Variants in SNX9 observed in about 807,000 individuals in gnomAD.
The protein encoded by SNX9 is sorting nexin-9.
SNX9 carries 44 observed loss-of-function variants against 89.4 expected under a neutral mutation model. The ratio of observed to expected loss-of-function variants is 0.49; its 90% CI spans 0.39 to 0.63. The LOEUF is 0.63. Among genes scored for constraint, SNX9 ranks in the 30% least tolerant of loss-of-function variants. The pLI is 0.00. For missense variants in SNX9, 578 were observed against 736.1 expected, an observed-to-expected ratio of 0.79 and a Z score of 2.49; for synonymous variants, 236 against 247.8, an observed-to-expected ratio of 0.95 and a Z score of 0.45.
intron 9 of SNX9, among the ~76,000 whole-genome samples, chr6:157,919,177 G>T (rs34414553): frequency 6.6e-6 from 1 of 151,814 alleles, no homozygotes; most frequent in African/African-American, 2.4e-5. Context: ...TATTTATCTG[G>T]GTATGTCTTT....
At chr6:157,900,180 A>G (rs1445317382) in intron 5 of SNX9, among the ~76,000 whole-genome samples, 2 of 152,068 alleles carry the variant, frequency 1.3e-5, no homozygotes, top group Non-Finnish European at 2.9e-5. Flanking sequence ...AAAGTTCCAC[A>G]TGTAAATAAG....
rs912139984 is a variant in SNX9, at chr6:157,940,879, G to A, written c.1649-4G>A. 3.7e-6 allele frequency: 6 copies of A among 1,613,600 alleles called. No homozygotes were observed. In the Admixed American group the frequency reaches 6.7e-5, roughly 18 times the overall value. The stretch of plus-strand genomic sequence containing the variant: ...ACTGATTGATGTTCTGATTTGGGTT[G>A]TAGCTGAGATGAATCACTTTCACAG... On this transcript the variant is annotated splice_region_variant and splice_polypyrimidine_tract_variant and intron_variant, in intron 16 of 17. Coordinates refer to ENST00000392185, the MANE Select transcript of SNX9 (RefSeq NM_016224.5).
intron 1 of SNX9, among the ~76,000 whole-genome samples, chr6:157,864,499 A>T (rs1406978351): frequency 6.6e-6 from 1 of 152,198 alleles, no homozygotes; most frequent in African/African-American, 2.4e-5. Context: ...TTTAGTAAAC[A>T]AGAGGCTTAG....
intron 1 of SNX9, chr6:157,830,432 G>A (rs1020298526): frequency 2.6e-5 from 4 of 152,194 alleles, no homozygotes; most frequent in Admixed American, 2.6e-4. Flanking sequence ...TTGTTCCTTT[G>A]TCCGTGGTGT....
intron 6 of SNX9, among the ~76,000 whole-genome samples, chr6:157,903,915 T>C (rs1386809278): frequency 1.3e-5 from 2 of 152,234 alleles, no homozygotes; most frequent in Non-Finnish European, 2.9e-5. Flanking sequence ...CTGAGGCATC[T>C]CTGTCTCTCT....
intron 1 of SNX9, among the ~76,000 whole-genome samples, chr6:157,831,737 G>C (rs1283236348): frequency 6.6e-6 from 1 of 152,184 alleles, no homozygotes; most frequent in Non-Finnish European, 1.5e-5. Flanking sequence ...TCAGCAGTGT[G>C]TTTCAAAAGG....
At chr6:157,906,329 C>A in intron 7 of SNX9, 117 bp downstream of exon 7, 1 of 725,242 alleles carries the variant, frequency 1.4e-6, no homozygotes, top group Non-Finnish European at 2.2e-6. Context: ...ATTTAATGCC[C>A]CACATAACTG....
At chr6:157,890,084 C>T (rs1416299961) in intron 4 of SNX9, among the ~76,000 whole-genome samples, 1 of 152,214 alleles carries the variant, frequency 6.6e-6, no homozygotes, top group Non-Finnish European at 1.5e-5. Context: ...TAACCACTAT[C>T]CCCATGTGGT....
chr6:157,929,152 G>T (rs1336707924), intron 12 of SNX9, among the ~76,000 whole-genome samples: 1 of 152,212 alleles, frequency 6.6e-6, no homozygotes, highest in Non-Finnish European at 1.5e-5. Context: ...CGAGGGGAGA[G>T]TGTCGCTGTC....
chr6:157,938,599 C>T (rs1404398246), intron 15 of SNX9, 34 bp from the exon 16 acceptor site: 1 of 1,396,934 alleles, frequency 7.2e-7, no homozygotes, highest in Non-Finnish European at 1.0e-6. Flanking sequence ...ATCATTTCAG[C>T]TTTATTCATA....
chr6:157,879,855 A>G (rs776402514), intron 4 of SNX9, among the ~76,000 whole-genome samples: 5 of 152,246 alleles, frequency 3.3e-5, no homozygotes, highest in Non-Finnish European at 5.9e-5. Flanking sequence ...TTGAGAAATT[A>G]ATAGAAAGTT....
intron 9 of SNX9, among the ~76,000 whole-genome samples, chr6:157,914,166 T>G (rs889947889): frequency 2.0e-5 from 3 of 152,130 alleles, no homozygotes; most frequent in African/African-American, 7.2e-5. Context: ...ATAGTGTCAG[T>G]TTTTCCTCAT....
intron 6 of SNX9, 100 bp from the exon 7 acceptor site, chr6:157,906,028 G>A: frequency 1.0e-6 from 1 of 962,610 alleles, no homozygotes; most frequent in Non-Finnish European, 1.6e-6. Context: ...GCACCCGAAA[G>A]ACAGGACAAG....
intron 1 of SNX9, among the ~76,000 whole-genome samples, chr6:157,858,295 G>T (rs1782053110): frequency 6.7e-6 from 1 of 149,066 alleles, no homozygotes; most frequent in South Asian, 2.1e-4. Context: ...TGCCCAGGCT[G>T]GAGTGCAATG....
At chr6:157,896,660 T>C (rs1188259883) in intron 4 of SNX9, among the ~76,000 whole-genome samples, 167 bp from the exon 5 acceptor site, 1 of 152,266 alleles carries the variant, frequency 6.6e-6, no homozygotes, top group Non-Finnish European at 1.5e-5. Context: ...TGTGCTTTCC[T>C]ACATGTTTGG....
chr6:157,858,701 G>A (rs751533879), intron 1 of SNX9, among the ~76,000 whole-genome samples: 26 of 152,138 alleles, frequency 1.7e-4, no homozygotes, highest in Admixed American at 1.3e-3. Context: ...GAGATTTAAT[G>A]GACTCACAAT....
At chr6:157,862,984 A>C (rs1375245228) in intron 1 of SNX9, among the ~76,000 whole-genome samples, 1 of 152,174 alleles carries the variant, frequency 6.6e-6, no homozygotes, top group Non-Finnish European at 1.5e-5. Flanking sequence ...AATGAGTGTC[A>C]AGTTTGTCCT....
At chr6:157,856,741 C>A (rs551093720) in intron 1 of SNX9, among the ~76,000 whole-genome samples, 1 of 151,962 alleles carries the variant, frequency 6.6e-6, no homozygotes, top group African/African-American at 2.4e-5. Flanking sequence ...CTTACCTTAC[C>A]CTCATTACAT....
intron 2 of SNX9, among the ~76,000 whole-genome samples, chr6:157,870,289 C>T (rs1379738435): frequency 6.7e-6 from 1 of 149,626 alleles, no homozygotes; most frequent in Non-Finnish European, 1.5e-5. Context: ...CTCACATATG[C>T]ACTCACGTGT....
Sources: allele counts gnomAD v4.1 joint callset (sites outside exome capture counted in the v4.1 genomes callset), GRCh38; gene constraint gnomAD v4.1.1; transcripts MANE v1.5; gene names NCBI Gene and HGNC (gene_info 2026-07-23, HGNC 2026-07-21).